The following FBXW8 variants were observed in gnomAD, a reference collection of about 807,000 sequenced individuals.
FBXW8 encodes F-box and WD repeat domain containing 8.
FBXW8 carries 57 observed loss-of-function variants against 65.3 expected under a neutral mutation model. That is an observed-to-expected ratio of 0.87 (90% CI 0.71 to 1.09). The LOEUF is 1.09. FBXW8 is among the 50% of genes least tolerant of loss of function. The probability of loss-of-function intolerance (pLI) is 0.00; values close to 1 mark genes in which losing one functional copy is unlikely to be tolerated. For missense variants in FBXW8, 777 were observed against 814.8 expected (o/e 0.95, Z 0.57); for synonymous variants, 308 against 330.2 (o/e 0.93, Z 0.73).
chr12:116,973,209 T>C lies in FBXW8; in HGVS notation c.835+8355T>C, dbSNP rs368088098. 5.8e-4 allele frequency among the ~76,000 whole-genome samples: 89 copies of C among 152,296 alleles called. No individual in the cohort carries two copies. The South Asian group carries it at 7.7e-3, about 13-fold the overall frequency. On this transcript the variant is annotated intron_variant, in intron 5 of 10. Transcript: ENST00000652555. ...AATAAAAAGGGAGGAGAGAAAAGTT[T>C]CCTTATAGTAGAATGTCAACTAATA...
intron 2 of FBXW8, among the ~76,000 whole-genome samples, chr12:116,944,279 G>A (rs982578955): frequency 3.9e-5 from 6 of 152,152 alleles, no homozygotes; most frequent in African/African-American, 4.8e-5. Flanking sequence ...AATTCTTACT[G>A]CTGTTATGGA....
At chr12:117,027,203 G>A (rs534068203) in intron 9 of FBXW8, among the ~76,000 whole-genome samples, 191 bp from the exon 10 acceptor site, 25 of 152,334 alleles carry the variant, frequency 1.6e-4, no homozygotes, top group African/African-American at 4.8e-4. Context: ...TGCCCAAAGC[G>A]TGGCCTGCTC....
chr12:116,977,011 A>T (rs1179169417), intron 5 of FBXW8, among the ~76,000 whole-genome samples: 1 of 152,096 alleles, frequency 6.6e-6, no homozygotes, highest in Admixed American at 6.5e-5. Flanking sequence ...GAGACCCGAG[A>T]GCCCCACCCC....
rs1227262847 is a variant in FBXW8 at position 117,030,311 on chromosome 12, G to GTTTT, written c.*2140_*2143dup. ...TACCTGCAGGCAGATGGACCGGAGG[G>GTTTT]TTTTCTGCTTCCTTTCAACCAGATA... On this transcript the variant is annotated 3_prime_UTR_variant, in exon 11 of 11. Coordinates refer to ENST00000652555, the MANE Select transcript of FBXW8 (RefSeq NM_153348.3). The GTTTT allele has an allele frequency of 6.6e-6, 1 of 152,166 alleles. No individual in the cohort carries two copies. Among genetic ancestry groups the GTTTT allele is most frequent in the Non-Finnish European group, 1.5e-5 (1 of 68,028 alleles). The allele number at this position is 152,166 out of a possible 1,614,324, so 9.4% of individuals were successfully genotyped here. A position where few individuals can be genotyped will look rare whatever the true frequency, so the allele number is the denominator to read the frequency against.
chr12:116,991,594 C>CACCTAA (rs1953242312), intron 7 of FBXW8, among the ~76,000 whole-genome samples: 1 of 152,190 alleles, frequency 6.6e-6, no homozygotes, highest in Non-Finnish European at 1.5e-5. Context: ...TGGTGTGAGA[C>CACCTAA]TATTAGCAGT....
chr12:116,938,420 C>T (rs1882309544), intron 2 of FBXW8, among the ~76,000 whole-genome samples: 2 of 152,172 alleles, frequency 1.3e-5, no homozygotes, highest in South Asian at 4.2e-4. Context: ...CACTGTGACC[C>T]GGGGTTAGTG....
At position 116,966,993 on chromosome 12, in the gene FBXW8, CT is replaced by C. The variant is rs569868444; in HGVS notation, c.835+2150del. Reference sequence around the variant, plus strand: ...TGATTGCCAAAATGTATTTTAAATTCTTTTTTTTTTTAAAGTCATAGTTAGA... The same window carrying C: ...TGATTGCCAAAATGTATTTTAAATTCTTTTTTTTTTAAAGTCATAGTTAGA... On this transcript the variant is annotated intron_variant, in intron 5 of 10. Transcript: ENST00000652555. Among the ~76,000 whole-genome samples, 927 of 147,422 alleles carry C rather than the reference CT, an allele frequency of 6.3e-3. 11 individuals are homozygous for C. Among genetic ancestry groups the C allele is most frequent in the African/African-American group, 0.02 (805 of 40,210 alleles).
At chr12:116,962,006 G>C (rs1166776055) in intron 4 of FBXW8, among the ~76,000 whole-genome samples, 1 of 152,140 alleles carries the variant, frequency 6.6e-6, no homozygotes, top group Non-Finnish European at 1.5e-5. Flanking sequence ...TGGCACCTGA[G>C]CATCTATAGT....
At chr12:116,956,934 C>T (rs1196364180) in intron 4 of FBXW8, among the ~76,000 whole-genome samples, 2 of 152,148 alleles carry the variant, frequency 1.3e-5, no homozygotes, top group African/African-American at 2.4e-5. Flanking sequence ...TGCCACTGCT[C>T]CCCAGCCTGG....
chr12:116,926,915 G>C (rs1337353442), intron 1 of FBXW8, among the ~76,000 whole-genome samples: 1 of 152,132 alleles, frequency 6.6e-6, no homozygotes, highest in Admixed American at 6.5e-5. Context: ...ATCAGTGCTT[G>C]GACTCCCTTA....
chr12:116,955,039 G>GGC (rs1555220069), intron 4 of FBXW8, among the ~76,000 whole-genome samples: 4 of 146,198 alleles, frequency 2.7e-5, no homozygotes, highest in African/African-American at 1.0e-4. Context: ...CTTGAAATGG[G>GGC]GGGGGGGGGC....
Position 116,936,631 on chromosome 12 carries a change from C to T in FBXW8, c.423+8504C>T, listed in dbSNP as rs1259106326. Reference sequence around the variant, plus strand: ...AAAAGGTAAGAAAACTGTTTTCTTTCTGAAGCCTCCGGAAGGAATGCAGCC... The same window carrying T: ...AAAAGGTAAGAAAACTGTTTTCTTTTTGAAGCCTCCGGAAGGAATGCAGCC... On this transcript the variant is annotated intron_variant, in intron 2 of 10. Transcript: ENST00000652555. This position sits in a 1 kb window ranked among gnomAD's most constrained non-coding sequence, Gnocchi z 4.6. Among the ~76,000 whole-genome samples the T allele has an allele frequency of 6.6e-6, 1 of 152,280 alleles. No homozygotes were observed. Among genetic ancestry groups the T allele is most frequent in the Non-Finnish European group, 1.5e-5 (1 of 68,022 alleles).
At position 116,936,771 on chromosome 12, in the gene FBXW8, T is replaced by TA. The variant is rs2137326201; in HGVS notation, c.424-8592dup. Among the ~76,000 whole-genome samples the TA allele has an allele frequency of 6.6e-6, 1 of 152,294 alleles. No individual in the cohort carries two copies. Among genetic ancestry groups the TA allele is most frequent in the South Asian group, 2.1e-4 (1 of 4,810 alleles). ...TGTTAGCGCAGCCATAGGAGACTGA[T>TA]ACGGGGATGTGGTGAGCAGAAGGAT... On this transcript the variant is annotated intron_variant, in intron 2 of 10. Coordinates refer to ENST00000652555, the MANE Select transcript of FBXW8 (RefSeq NM_153348.3). This position sits in a 1 kb window ranked among gnomAD's most constrained non-coding sequence, Gnocchi z 4.6.
chr12:116,987,519 C>T (rs1473735436), intron 6 of FBXW8, among the ~76,000 whole-genome samples: 3 of 152,172 alleles, frequency 2.0e-5, no homozygotes, highest in East Asian at 3.8e-4. Context: ...TAGAAACATG[C>T]GTGTTTGTAG....
At position 117,029,271 on chromosome 12, in the gene FBXW8, C is replaced by T. The variant is rs1954306573; in HGVS notation, c.*1099C>T. 6.6e-6 allele frequency: 1 copy of T among 152,224 alleles called. No individual in the cohort carries two copies. Among genetic ancestry groups the T allele is most frequent in the East Asian group, 1.9e-4 (1 of 5,200 alleles). The allele number at this position is 152,224 out of a possible 1,614,324, so 9.4% of individuals were successfully genotyped here. A position where few individuals can be genotyped will look rare whatever the true frequency, so the allele number is the denominator to read the frequency against. On this transcript the variant is annotated 3_prime_UTR_variant, in exon 11 of 11. Transcript: ENST00000652555. ...AAGACACTGCACCCTATGGGCTATACCCTCAGGCAGGGCCCTGCTTTTCTA... is the reference window on the plus strand; with the variant it reads ...AAGACACTGCACCCTATGGGCTATATCCTCAGGCAGGGCCCTGCTTTTCTA...
intron 5 of FBXW8, chr12:116,979,116 C>T (rs1371934543): frequency 1.3e-5 from 2 of 152,184 alleles, no homozygotes; most frequent in African/African-American, 4.8e-5. Flanking sequence ...ATATTCTGTG[C>T]AAGTACCATT....
At chr12:117,027,308 C>T in intron 9 of FBXW8, 86 bp from the exon 10 acceptor site, 1 of 979,856 alleles carries the variant, frequency 1.0e-6, no homozygotes, top group Non-Finnish European at 1.6e-6. Context: ...TCTAGAATCC[C>T]CTGCAGCTCT....
chr12:116,922,019 A>G (rs1880952345), intron 1 of FBXW8, among the ~76,000 whole-genome samples: 1 of 151,984 alleles, frequency 6.6e-6, no homozygotes, highest in South Asian at 2.1e-4. Flanking sequence ...GTCTAGAGAC[A>G]GTGTCTCACT....
chr12:116,935,039 G>A (rs575160246), intron 2 of FBXW8, among the ~76,000 whole-genome samples: 1 of 152,188 alleles, frequency 6.6e-6, no homozygotes, highest in Non-Finnish European at 1.5e-5. Context: ...GTTTTTTAAT[G>A]TATATTTTAG....
Sources: allele counts gnomAD v4.1 joint callset (sites outside exome capture counted in the v4.1 genomes callset), GRCh38; gene constraint gnomAD v4.1.1; non-coding constraint Gnocchi (gnomAD v3.1); transcripts MANE v1.5; gene names NCBI Gene and HGNC (gene_info 2026-07-23, HGNC 2026-07-21).